CDC42BPA: variants seen among roughly 807,000 people sequenced by gnomAD.
CDC42BPA encodes CDC42 binding protein kinase alpha, also known as serine/threonine-protein kinase MRCK alpha.
A neutral mutation model predicts 223.5 loss-of-function variants in CDC42BPA; 80 were observed. The ratio of observed to expected loss-of-function variants is 0.36; its 90% CI spans 0.30 to 0.43. The LOEUF is 0.43. Ranked by LOEUF, CDC42BPA falls within the 20% of genes least tolerant of loss-of-function variation. The pLI is 1.00. For synonymous variants in CDC42BPA, 694 were observed against 718.6 expected (o/e 0.97, Z 0.55); for missense variants, 1,743 against 2,099.9 (o/e 0.83, Z 3.32).
At chr1:227,125,682 C>T (rs1689461459) in intron 11 of CDC42BPA, among the ~76,000 whole-genome samples, 1 of 151,430 alleles carries the variant, frequency 6.6e-6, no homozygotes, top group Non-Finnish European at 1.5e-5. Flanking sequence ...AGCCTCTCCT[C>T]ACACATTGTC....
At chr1:227,187,789 T>C (rs540371451) in intron 5 of CDC42BPA, among the ~76,000 whole-genome samples, 23 of 148,316 alleles carry the variant, frequency 1.6e-4, no homozygotes, top group South Asian at 2.1e-4. Context: ...AAAAACACCT[T>C]ATGCATAGAG....
At chr1:227,171,833 G>A (rs1335386985) in intron 5 of CDC42BPA, among the ~76,000 whole-genome samples, 1 of 152,072 alleles carries the variant, frequency 6.6e-6, no homozygotes, top group East Asian at 1.9e-4. Flanking sequence ...TTAATTGCAT[G>A]TACCTTGGCC....
chr1:227,251,477 A>G (rs1681997642), intron 2 of CDC42BPA, among the ~76,000 whole-genome samples: 2 of 152,190 alleles, frequency 1.3e-5, no homozygotes, highest in South Asian at 4.1e-4. Flanking sequence ...AAATCTAATT[A>G]TATTCTACTG....
intron 12 of CDC42BPA, among the ~76,000 whole-genome samples, chr1:227,118,609 T>A (rs980397360): frequency 6.6e-6 from 1 of 152,106 alleles, no homozygotes; most frequent in Non-Finnish European, 1.5e-5. Context: ...CTGATTTTCA[T>A]CCTCTTTCCA....
chr1:227,105,324 T>C (rs1315394499), intron 14 of CDC42BPA, among the ~76,000 whole-genome samples: 2 of 151,700 alleles, frequency 1.3e-5, no homozygotes, highest in African/African-American at 4.8e-5. Context: ...GTAACCTCTA[T>C]TCTACTTTGT....
chr1:227,187,757 A>C (rs1236767069), intron 5 of CDC42BPA, among the ~76,000 whole-genome samples: 1 of 148,760 alleles, frequency 6.7e-6, no homozygotes, highest in Non-Finnish European at 1.5e-5. Context: ...AAAGAAAAAA[A>C]CCCTGAAAGA....
chr1:227,072,251 G>T lies in CDC42BPA; in HGVS notation c.2784C>A (p.Ile928=). The T allele has an allele frequency of 1.2e-6, 2 of 1,609,258 alleles. No homozygotes were observed. The highest frequency in any genetic ancestry group is 1.7e-6 in the Non-Finnish European group (2 of 1,176,278). The change falls in exon 20 of 37, where the codon ATC becomes ATA. Residue 928 remains isoleucine, a synonymous_variant. Coordinates refer to ENST00000366766, the MANE Select transcript of CDC42BPA (RefSeq NM_001394014.1). ...EKKNLELLSE[I]EQLIKDTEEL... ...CTTCAGTGTCCTTTATCAGCTGTTC[G>T]ATTTCTGAGAGTAGTTCCAAGTTCT...
intron 3 of CDC42BPA, among the ~76,000 whole-genome samples, chr1:227,205,677 A>C (rs1275927103): frequency 6.6e-6 from 1 of 152,200 alleles, no homozygotes; most frequent in Non-Finnish European, 1.5e-5. Context: ...TGTCACAGAT[A>C]AACTAAGATA....
chr1:227,012,639 T>C (rs1234513135), intron 34 of CDC42BPA, among the ~76,000 whole-genome samples: 4 of 152,182 alleles, frequency 2.6e-5, no homozygotes. Context: ...CTGGGACACA[T>C]GCTCTCTGAA....
intron 11 of CDC42BPA, among the ~76,000 whole-genome samples, chr1:227,128,479 CCAAAG>C (rs1370585549): frequency 6.6e-6 from 1 of 152,122 alleles, no homozygotes; most frequent in East Asian, 1.9e-4. Context: ...TTTACCCAGG[CCAAAG>C]CAAAGAATTT....
chr1:227,035,814 T>G (rs1050616256), intron 24 of CDC42BPA, among the ~76,000 whole-genome samples: 2 of 152,216 alleles, frequency 1.3e-5, no homozygotes, highest in Non-Finnish European at 2.9e-5. Context: ...AAAAATTACT[T>G]GTATTACTGC....
At chr1:227,002,684 A>G (rs1244651391) in intron 35 of CDC42BPA, among the ~76,000 whole-genome samples, 1 of 152,232 alleles carries the variant, frequency 6.6e-6, no homozygotes, top group Non-Finnish European at 1.5e-5. Context: ...CAGCCAGGCC[A>G]TAAGGACACT....
intron 3 of CDC42BPA, among the ~76,000 whole-genome samples, chr1:227,210,894 G>GC (rs1673755905): frequency 6.6e-6 from 1 of 152,144 alleles, no homozygotes; most frequent in Non-Finnish European, 1.5e-5. Context: ...ACTAGTAGAG[G>GC]CAGGTGTATA....
chr1:227,023,768 T>G (rs569488111), intron 31 of CDC42BPA, among the ~76,000 whole-genome samples: 3 of 152,274 alleles, frequency 2.0e-5, no homozygotes, highest in African/African-American at 7.2e-5. Flanking sequence ...AAATAGTGAT[T>G]GAGCAACTGG....
At chr1:227,123,842 GGA>G (rs142486111) in intron 11 of CDC42BPA, among the ~76,000 whole-genome samples, 5 of 151,370 alleles carry the variant, frequency 3.3e-5, no homozygotes, top group Admixed American at 1.3e-4. Context: ...GGTAGGGAGG[GGA>G]GAGAGAGAGA....
chr1:227,168,497 G>GTTTTTTTTTTTTTGTTTTTTTT (rs1665488488), intron 5 of CDC42BPA, among the ~76,000 whole-genome samples: 2 of 80,194 alleles, frequency 2.5e-5, no homozygotes, highest in African/African-American at 9.9e-5. Flanking sequence ...CTTCCCTGGT[G>GTTTTTTTTTTTTTGTTTTTTTT]TTTTTTTTTT....
chr1:227,285,182 C>T (rs1428562910), intron 1 of CDC42BPA, among the ~76,000 whole-genome samples: 1 of 152,126 alleles, frequency 6.6e-6, no homozygotes, highest in Non-Finnish European at 1.5e-5. Context: ...ACTAAGCTAA[C>T]ATTAAATGGT....
intron 1 of CDC42BPA, among the ~76,000 whole-genome samples, chr1:227,308,650 G>C (rs1378796080): frequency 6.6e-6 from 1 of 152,012 alleles, no homozygotes; most frequent in East Asian, 1.9e-4. Flanking sequence ...TTCATAAAGA[G>C]ACATAGGGAG....
chr1:227,071,800 T>C (rs1408993678), intron 20 of CDC42BPA, among the ~76,000 whole-genome samples: 5 of 144,958 alleles, frequency 3.4e-5, no homozygotes, highest in African/African-American at 1.3e-4. Flanking sequence ...AAGTTCTGGA[T>C]GTTAACACAC....
Sources: gnomAD v4.1 joint callset for allele counts (sites outside exome capture counted in the v4.1 genomes callset) on GRCh38, gnomAD v4.1.1 for gene constraint, MANE v1.5 for transcripts, NCBI Gene and HGNC (gene_info 2026-07-23, HGNC 2026-07-21) for gene names.